PDE9A: variants seen among roughly 807,000 people sequenced by gnomAD.
PDE9A encodes the protein phosphodiesterase 9A.
PDE9A carries 60 observed loss-of-function variants against 87.4 expected under a neutral mutation model. The observed-to-expected ratio is 0.69, with a 90% CI of 0.56 to 0.85. The LOEUF (loss-of-function observed/expected upper bound fraction) is 0.85. Ranked by LOEUF, PDE9A falls within the 40% of genes least tolerant of loss-of-function variation. The pLI, the probability that PDE9A is intolerant of heterozygous loss-of-function variation, is 0.00. For synonymous variants in PDE9A, 272 were observed against 279.4 expected (o/e 0.97, Z 0.27); for missense variants, 665 against 779.0 (o/e 0.85, Z 1.74).
chr21:42,670,358 CCA>C (rs545468566), intron 1 of PDE9A, among the ~76,000 whole-genome samples: 4,076 of 124,792 alleles, frequency 0.033, 84 homozygotes, highest in Non-Finnish European at 0.042. Context: ...ACACACACAT[CCA>C]CACACACATT....
intron 7 of PDE9A, among the ~76,000 whole-genome samples, chr21:42,742,267 T>A (rs1212329304): frequency 6.6e-6 from 1 of 152,066 alleles, no homozygotes; most frequent in African/African-American, 2.4e-5. Flanking sequence ...GGAACTGCAA[T>A]GGAGAAAGAG....
chr21:42,773,788 G>A (rs373300689), intron 19 of PDE9A, among the ~76,000 whole-genome samples: 193 of 151,776 alleles, frequency 1.3e-3, no homozygotes, highest in African/African-American at 4.3e-3. Context: ...GCAACAGAGC[G>A]AGACTTCGTC....
chr21:42,716,421 C>T (rs1388312827), intron 4 of PDE9A, among the ~76,000 whole-genome samples: 1 of 151,894 alleles, frequency 6.6e-6, no homozygotes, highest in East Asian at 1.9e-4. Flanking sequence ...GGATTTTCAC[C>T]ACTCTGATAG....
At chr21:42,663,433 T>G (rs1601889095) in intron 1 of PDE9A, among the ~76,000 whole-genome samples, 1 of 152,154 alleles carries the variant, frequency 6.6e-6, no homozygotes, top group African/African-American at 2.4e-5. Context: ...GCCACACAGC[T>G]CGGAGGGAGG....
rs370580837 is a variant in PDE9A at position 42,712,629 on chromosome 21, A to G, written c.262+13618A>G. Among the ~76,000 whole-genome samples the G allele has an allele frequency of 1.2e-4, 19 of 152,326 alleles. No individual in the cohort carries two copies. In the South Asian group the frequency reaches 1.9e-3, roughly 15 times the overall value. ...GATGCCTTCGGTCTCTCACCATTAC[A>G]TACGATGTTAGCCACAGATTTTTTT... On this transcript the variant is annotated intron_variant, in intron 4 of 19. Transcript: ENST00000291539.
chr21:42,729,673 G>T (rs767249368), intron 4 of PDE9A, among the ~76,000 whole-genome samples: 9 of 152,160 alleles, frequency 5.9e-5, no homozygotes, highest in Non-Finnish European at 8.8e-5. Context: ...CTTTAGTCAT[G>T]TCCCACAGCT....
intron 16 of PDE9A, chr21:42,768,706 A>T: frequency 1.0e-6 from 1 of 985,420 alleles, no homozygotes; most frequent in South Asian, 4.7e-5. Context: ...GAAAACAACC[A>T]CCAAATATTA....
chr21:42,682,253 G>C (rs1429530586), intron 1 of PDE9A, among the ~76,000 whole-genome samples: 1 of 152,250 alleles, frequency 6.6e-6, no homozygotes, highest in East Asian at 1.9e-4. Flanking sequence ...AATGTATAAG[G>C]AGTGAAGCAA....
rs1380967350 is a variant in PDE9A, at chr21:42,732,122, A to G, written c.495A>G (p.Ser165=). The change falls in exon 6 of 20, where the codon TCA becomes TCG. Residue 165 remains serine, a splice_region_variant and synonymous_variant. Transcript: ENST00000291539. The part of the protein sequence containing the change: ...SVLAQVAEQF[S]RAFKINELKA... ...TGGCGCAGGTTGCAGAGCAGTTCTC[A>G]AGGTACAGAGTCTTCTAAACTTACA... 2.5e-6 allele frequency: 4 copies of G among 1,613,678 alleles called. No homozygotes were observed. Among genetic ancestry groups the G allele is most frequent in the Non-Finnish European group, 3.4e-6 (4 of 1,179,702 alleles).
chr21:42,708,982 A>G (rs941562461), intron 4 of PDE9A, among the ~76,000 whole-genome samples: 1 of 152,254 alleles, frequency 6.6e-6, no homozygotes, highest in African/African-American at 2.4e-5. Flanking sequence ...AAATCATTCT[A>G]TTATAAAGAT....
intron 4 of PDE9A, among the ~76,000 whole-genome samples, chr21:42,719,451 A>G (rs1053633065): frequency 2.0e-5 from 3 of 151,606 alleles, no homozygotes; most frequent in Admixed American, 1.3e-4. Flanking sequence ...CCTGGCCAAC[A>G]TGGTGAAATC....
chr21:42,699,030 T>G lies in PDE9A; in HGVS notation c.262+19T>G. On this transcript the variant is annotated intron_variant, in intron 4 of 19. Coordinates refer to ENST00000291539, the MANE Select transcript of PDE9A (RefSeq NM_002606.3). ...CTCTCCGGTAAGGCCCTGCTGTCGT[T>G]TTTTAAACTAAAAGAAGGAAAAAGA... 1.3e-6 allele frequency: 2 copies of G among 1,574,406 alleles called. No individual in the cohort carries two copies. Among genetic ancestry groups the G allele is most frequent in the Non-Finnish European group, 1.7e-6 (2 of 1,144,404 alleles).
chr21:42,663,907 G>A (rs1242353876), intron 1 of PDE9A, among the ~76,000 whole-genome samples: 1 of 152,188 alleles, frequency 6.6e-6, no homozygotes, highest in Non-Finnish European at 1.5e-5. Context: ...GATGGCTGAG[G>A]TCATCAGCTG....
At chr21:42,738,585 T>C (rs905439126) in intron 7 of PDE9A, among the ~76,000 whole-genome samples, 2 of 152,202 alleles carry the variant, frequency 1.3e-5, no homozygotes, top group African/African-American at 4.8e-5. Context: ...CCAGGACGAT[T>C]TCCCCAAAGC....
rs766132662 is a variant in PDE9A, at chr21:42,769,007, G to A, written c.1462-20G>A. The A allele has an allele frequency of 6.3e-7, 1 of 1,598,012 alleles. No individual in the cohort carries two copies. The highest frequency in any genetic ancestry group is 8.6e-7 in the Non-Finnish European group (1 of 1,169,114). On this transcript the variant is annotated intron_variant, in intron 16 of 19. Transcript: ENST00000291539. The stretch of plus-strand genomic sequence containing the variant: ...GGGCATTTCTGTCTCTAATGTCACT[G>A]TCTGCTGCATTCCCTGCAGAGCGAC...
At chr21:42,770,396 G>A (rs2056923486) in intron 17 of PDE9A, among the ~76,000 whole-genome samples, 1 of 152,208 alleles carries the variant, frequency 6.6e-6, no homozygotes, top group Non-Finnish European at 1.5e-5. Context: ...TCAGCCGGGA[G>A]GCTGTCAGCT....
intron 1 of PDE9A, among the ~76,000 whole-genome samples, chr21:42,670,716 CTCACAG>C (rs1484771344): frequency 2.6e-5 from 4 of 151,678 alleles, no homozygotes; most frequent in Non-Finnish European, 4.4e-5. Context: ...TACACTTACA[CTCACAG>C]TCACATACAC....
rs1470615184 is a variant in PDE9A, at chr21:42,660,187, A to G, written c.69+6304A>G. On this transcript the variant is annotated intron_variant, in intron 1 of 19. Transcript: ENST00000291539. This position sits in a 1 kb window ranked among gnomAD's most constrained non-coding sequence, Gnocchi z 4.7. The stretch of plus-strand genomic sequence containing the variant: ...AGCCGCACTCCTGGGAAATTTCAGA[A>G]GGTTTTGGGCAAGAAGGGCCCAGAG... Among the ~76,000 whole-genome samples the G allele has an allele frequency of 1.3e-5, 2 of 152,122 alleles. No individual in the cohort carries two copies. The highest frequency in any genetic ancestry group is 4.8e-5 in the African/African-American group (2 of 41,414).
rs375997423 is a variant in PDE9A, at chr21:42,710,252, G to A, written c.262+11241G>A. 1.3e-4 allele frequency among the ~76,000 whole-genome samples: 19 copies of A among 151,932 alleles called. No individual in the cohort carries two copies. In the South Asian group the frequency reaches 1.9e-3, roughly 15 times the overall value. On this transcript the variant is annotated intron_variant, in intron 4 of 19. Transcript: ENST00000291539. ...GCAAAACCCCATCTCTACAAAAAGTGCAAAAAATTAGCAGGGTGTGGTGGT... is the reference window on the plus strand; with the variant it reads ...GCAAAACCCCATCTCTACAAAAAGTACAAAAAATTAGCAGGGTGTGGTGGT...
Sources: gnomAD v4.1 joint callset for allele counts (sites outside exome capture counted in the v4.1 genomes callset) on GRCh38, gnomAD v4.1.1 for gene constraint, Gnocchi (gnomAD v3.1) non-coding constraint, MANE v1.5 for transcripts, NCBI Gene and HGNC (gene_info 2026-07-23, HGNC 2026-07-21) for gene names.